Variants in L1TD1 observed in about 807,000 individuals in gnomAD.
L1TD1 encodes the protein LINE-1 type transposase domain-containing protein 1.
Under a neutral mutation model 25.7 loss-of-function variants are expected in L1TD1, and 26 were observed. The ratio of observed to expected loss-of-function variants is 1.01; its 90% CI spans 0.74 to 1.40. The LOEUF (loss-of-function observed/expected upper bound fraction) is 1.40, where lower values mean the gene tolerates loss of function less well. Among genes scored for constraint, L1TD1 ranks in the 40% most tolerant of loss-of-function variants. The pLI, the probability that L1TD1 is intolerant of heterozygous loss-of-function variation, is 0.00. For missense variants in L1TD1, 1,130 were observed against 975.0 expected (o/e 1.16, Z -2.12); for synonymous variants, 421 against 335.6 (o/e 1.25, Z -2.78).
intron 2 of L1TD1, among the ~76,000 whole-genome samples, chr1:62,200,485 A>T (rs1027002995): frequency 3.9e-5 from 6 of 152,056 alleles, no homozygotes; most frequent in Non-Finnish European, 8.8e-5. Context: ...TGTATATTAT[A>T]ATGTATATTT....
intron 2 of L1TD1, among the ~76,000 whole-genome samples, chr1:62,199,528 A>G (rs912504791): frequency 2.0e-5 from 3 of 151,926 alleles, no homozygotes; most frequent in African/African-American, 7.2e-5. Flanking sequence ...CATTTGATAC[A>G]GTTAACAACA....
At chr1:62,200,284 G>C (rs1670617028) in intron 2 of L1TD1, among the ~76,000 whole-genome samples, 1 of 152,116 alleles carries the variant, frequency 6.6e-6, no homozygotes, top group African/African-American at 2.4e-5. Flanking sequence ...TCAAGCAATT[G>C]TCTTGCCTCA....
In L1TD1 at chr1:62,206,582, TTCTG is replaced by T; in HGVS notation, c.-45_-42del. Reference sequence around the variant, plus strand: ...AGCAGGCCTGTAAGAACAAAAATCATTCTGTAGGAATTAAAAACAGAATCCAGTC... The same window carrying T: ...AGCAGGCCTGTAAGAACAAAAATCATTAGGAATTAAAAACAGAATCCAGTC... On this transcript the variant is annotated 5_prime_UTR_variant, in exon 3 of 4. Transcript: ENST00000498273. The T allele has an allele frequency of 7.1e-7, 1 of 1,404,402 alleles. No homozygotes were observed. Among genetic ancestry groups the T allele is most frequent in the Non-Finnish European group, 9.3e-7 (1 of 1,076,800 alleles). 87.0% of individuals were successfully genotyped at this position (1,404,402 alleles called of 1,614,324 possible). A position where few individuals can be genotyped will look rare whatever the true frequency, so the allele number is the denominator to read the frequency against.
intron 3 of L1TD1, 49 bp from the exon 4 acceptor site, chr1:62,209,734 A>G (rs760025981): frequency 1.6e-5 from 22 of 1,342,066 alleles, no homozygotes; most frequent in Non-Finnish European, 2.1e-5. Flanking sequence ...TTAAAAGACA[A>G]ATGATTTAAA....
Position 62,206,847 on chromosome 1 carries a change from TAAA to T in L1TD1, c.222_224del (p.Lys74del). On this transcript the variant is annotated inframe_deletion, in exon 3 of 4. Transcript: ENST00000498273. Reference sequence around the variant, plus strand: ...TGTTTGAGGAGATGAGGGAAACTCTTAAAAATGACCTAAAAGCAGTTTTAGGGG... The same window carrying T: ...TGTTTGAGGAGATGAGGGAAACTCTTAATGACCTAAAAGCAGTTTTAGGGG... 2.5e-6 allele frequency: 4 copies of T among 1,612,104 alleles called. No individual in the cohort carries two copies. Among genetic ancestry groups the T allele is most frequent in the Non-Finnish European group, 3.4e-6 (4 of 1,179,200 alleles).
rs1210426483 is a variant in L1TD1 at position 62,207,078 on chromosome 1, C to T, written c.450C>T (p.Asn150=). The stretch of plus-strand genomic sequence containing the variant: ...TGAGTGGTAAATTAGACAACACTAA[C>T]GAATACAATAGTAATGATGGTAAGA... ...NELSGKLDNT[N]EYNSNDGKKL... is the part of the protein sequence containing the mutation. The change falls in exon 3 of 4, where the codon AAC becomes AAT. Residue 150 remains asparagine (N), a synonymous_variant. Coordinates refer to ENST00000498273, the MANE Select transcript of L1TD1 (RefSeq NM_019079.5). 9.9e-6 allele frequency: 16 copies of T among 1,613,142 alleles called. No individual in the cohort carries two copies. The highest frequency in any genetic ancestry group is 1.6e-4 in the Middle Eastern group (1 of 6,080).
At chr1:62,197,770 GGA>G (rs1249186280) in intron 2 of L1TD1, among the ~76,000 whole-genome samples, 1 of 152,068 alleles carries the variant, frequency 6.6e-6, no homozygotes, top group Non-Finnish European at 1.5e-5. Context: ...CAGCTACTCG[GGA>G]GGCTGAGGCA....
intron 3 of L1TD1, among the ~76,000 whole-genome samples, chr1:62,207,877 T>A (rs772253263): frequency 6.6e-6 from 1 of 152,050 alleles, no homozygotes; most frequent in African/African-American, 2.4e-5. Flanking sequence ...CACGCCCAGA[T>A]AATTTTGTAT....
intron 2 of L1TD1, among the ~76,000 whole-genome samples, chr1:62,199,078 T>A (rs1312470593): frequency 6.6e-6 from 1 of 152,190 alleles, no homozygotes. Context: ...TGCTTTCTTC[T>A]TGATCAGGGA....
chr1:62,205,450 T>TTG (rs1670727902), intron 2 of L1TD1, among the ~76,000 whole-genome samples: 1 of 124,078 alleles, frequency 8.1e-6, no homozygotes, highest in South Asian at 2.7e-4. Flanking sequence ...TATATTTTTT[T>TTG]TTAGACAGTC....
intron 2 of L1TD1, among the ~76,000 whole-genome samples, chr1:62,197,002 A>G (rs530939819): frequency 4.6e-5 from 7 of 152,100 alleles, no homozygotes; most frequent in African/African-American, 1.2e-4. Flanking sequence ...GTCTGGTGCT[A>G]TTAGCAGAAC....
chr1:62,210,649 C>G lies in L1TD1; in HGVS notation c.1875C>G (p.Ile625Met), dbSNP rs749635272. 2 of 1,571,902 alleles carry G rather than the reference C, an allele frequency of 1.3e-6. No individual in the cohort carries two copies. Among genetic ancestry groups the G allele is most frequent in the South Asian group, 2.3e-5 (2 of 86,382 alleles). Reference sequence around the variant, plus strand: ...TGAGAAGTAGTGTGATTAATAGCATCAGAGAGATAAAAGAGGAGATTGGAA... The same window carrying G: ...TGAGAAGTAGTGTGATTAATAGCATGAGAGAGATAAAAGAGGAGATTGGAA... ...ENLRSSVINS[I>M]REIKEEIGNL... Residue 625 changes from isoleucine to methionine, a missense_variant, in exon 4 of 4, where the codon ATC becomes ATG. By Grantham distance (10) the Ile-to-Met change is conservative (BLOSUM62 1). Coordinates refer to ENST00000498273, the MANE Select transcript of L1TD1 (RefSeq NM_019079.5).
At chr1:62,204,789 G>A (rs1051263812) in intron 2 of L1TD1, among the ~76,000 whole-genome samples, 2 of 151,972 alleles carry the variant, frequency 1.3e-5, no homozygotes, top group African/African-American at 4.8e-5. Flanking sequence ...ATTTTGCAGG[G>A]GAGGGGACAG....
In L1TD1 at chr1:62,211,328, C is replaced by T. The variant is rs776657719; in HGVS notation, c.2554C>T (p.His852Tyr). 4.3e-6 allele frequency: 7 copies of T among 1,612,040 alleles called. No individual in the cohort carries two copies. The Admixed American group carries it at 6.7e-5, about 15-fold the overall frequency. ...SIEEFRDYVL[H>Y]MPTLRELLGN... is the part of the protein sequence containing the mutation. ...TGAAGAATTTAGAGATTATGTTTTGCATATGCCCACCTTGAGAGAATTACT... is the reference window on the plus strand; with the variant it reads ...TGAAGAATTTAGAGATTATGTTTTGTATATGCCCACCTTGAGAGAATTACT... The change falls in exon 4 of 4, where the codon CAT becomes TAT. Residue 852 changes from histidine (H) to tyrosine (Y), a missense_variant. Coordinates refer to ENST00000498273, the MANE Select transcript of L1TD1 (RefSeq NM_019079.5).
Position 62,207,365 on chromosome 1 carries a change from T to C in L1TD1, c.737T>C (p.Val246Ala), listed in dbSNP as rs7542665. The C allele has an allele frequency of 0.66, 1,021,182 of 1,551,180 alleles. 340,075 individuals are homozygous for C. The highest frequency in any genetic ancestry group is 0.68 in the African/African-American group (49,576 of 73,078). ...GATGAAGGAGCAGTACTTACCCTGG[T>C]AGCCGACCTTTCATCAGCAACACTG... ...LMDEGAVLTL[V>A]ADLSSATLDI... The change falls in exon 3 of 4, where the codon GTA becomes GCA. Residue 246 changes from valine to alanine, a missense_variant. Val to Ala is a moderately conservative substitution (Grantham distance 64). Transcript: ENST00000498273.
At position 62,211,107 on chromosome 1, in the gene L1TD1, G is replaced by A; in HGVS notation, c.2333G>A (p.Arg778Lys). Residue 778 changes from arginine to lysine, a missense_variant, in exon 4 of 4, where the codon AGA becomes AAA. Transcript: ENST00000498273. ...AAAGAGAAAATAATAAGGGCTTCTA[G>A]AGAGAGAAGAGAAATTACCTACCAA... ...SDKEKIIRASRERREITYQGT... is the reference protein window; with the variant it reads ...SDKEKIIRASKERREITYQGT... 6.5e-7 allele frequency: 1 copy of A among 1,549,466 alleles called. No individual in the cohort carries two copies. The highest frequency in any genetic ancestry group is 8.7e-7 in the Non-Finnish European group (1 of 1,146,552).
At chr1:62,195,197 C>G (rs1401905181) in intron 1 of L1TD1, among the ~76,000 whole-genome samples, 1 of 151,094 alleles carries the variant, frequency 6.6e-6, no homozygotes, top group Non-Finnish European at 1.5e-5. Flanking sequence ...CGCGGGGTGC[C>G]CCGGGTAAGG....
chr1:62,207,090 T>G lies in L1TD1; in HGVS notation c.462T>G (p.Ser154Arg), dbSNP rs373993863. 3.2e-4 allele frequency: 510 copies of G among 1,611,796 alleles called. 1 individual carries two copies. The highest frequency in any genetic ancestry group is 4.2e-4 in the Non-Finnish European group (492 of 1,178,800). The change falls in exon 3 of 4, where the codon AGT becomes AGG. Residue 154 changes from serine to arginine, a missense_variant. Physicochemically the swap from Ser to Arg is moderately radical, Grantham distance 110. Coordinates refer to ENST00000498273, the MANE Select transcript of L1TD1 (RefSeq NM_019079.5). Reference sequence around the variant, plus strand: ...TAGACAACACTAACGAATACAATAGTAATGATGGTAAGAAATTACCCCAGG... The same window carrying G: ...TAGACAACACTAACGAATACAATAGGAATGATGGTAAGAAATTACCCCAGG... ...GKLDNTNEYN[S>R]NDGKKLPQGE...
chr1:62,205,013 G>T (rs975038619), intron 2 of L1TD1, among the ~76,000 whole-genome samples: 2 of 151,950 alleles, frequency 1.3e-5, no homozygotes, highest in African/African-American at 2.4e-5. Flanking sequence ...TGATTCACCT[G>T]CCTTCACCAG....
Sources: allele counts gnomAD v4.1 joint callset (sites outside exome capture counted in the v4.1 genomes callset), GRCh38; gene constraint gnomAD v4.1.1; transcripts MANE v1.5; gene names NCBI Gene and HGNC (gene_info 2026-07-23, HGNC 2026-07-21).